TSC2: variants seen among roughly 807,000 people sequenced by gnomAD.
The protein encoded by TSC2 is TSC complex subunit 2.
In TSC2, 29 loss-of-function variants were observed where a neutral mutation model predicts 202.2. The ratio of observed to expected loss-of-function variants is 0.14; its 90% confidence interval spans 0.11 to 0.20. TSC2 has a LOEUF of 0.20. TSC2 is among the 10% of genes least tolerant of loss of function. The pLI, the probability that TSC2 is intolerant of heterozygous loss-of-function variation, is 1.00. For missense variants in TSC2, 2,429 were observed against 2,420.0 expected (o/e 1.00, Z -0.08); for synonymous variants, 1,349 against 1,044.0 (o/e 1.29, Z -5.63).
chr16:2,074,126 C>A (rs2088897057), intron 21 of TSC2, 74 bp from the exon 22 acceptor site: 1 of 1,586,900 alleles, frequency 6.3e-7, no homozygotes, highest in Non-Finnish European at 8.6e-7. Context: ...GTGGAGCACT[C>A]GAGGTTGGCG....
chr16:2,078,813 C>G (rs371356849), intron 26 of TSC2: 1 of 626,050 alleles, frequency 1.6e-6, no homozygotes, highest in South Asian at 1.9e-5. Flanking sequence ...CTGCTCCGAC[C>G]AGTAGGCCTG....
At chr16:2,066,651 CTTT>C (rs34619573) in intron 16 of TSC2, among the ~76,000 whole-genome samples, 81 of 98,478 alleles carry the variant, frequency 8.2e-4, no homozygotes, top group African/African-American at 2.6e-3. Context: ...TCTGATTTAT[CTTT>C]TTTTTTTTTT....
intron 12 of TSC2, 80 bp downstream of exon 12, chr16:2,062,088 G>T: frequency 6.3e-7 from 1 of 1,596,366 alleles, no homozygotes; most frequent in South Asian, 1.1e-5. Context: ...GCAGCTTTCT[G>T]AGCCTCAGAA....
chr16:2,082,321 GCC>G lies in TSC2; in HGVS notation c.3815-114_3815-113del. ...AGCACTGGGCCCCGTGCGCGCCCCT[GCC>G]GGCCGCTGGCCCTGCCCTCTCTCCT... On this transcript the variant is annotated intron_variant, in intron 31 of 41. Transcript: ENST00000219476. 3.9e-6 allele frequency: 5 copies of G among 1,273,634 alleles called. No individual in the cohort carries two copies. The South Asian group carries it at 6.0e-5, about 15-fold the overall frequency. The allele number at this position is 1,273,634 out of a possible 1,614,324, so 78.9% of individuals were successfully genotyped here. A position where few individuals can be genotyped will look rare whatever the true frequency, so the allele number is the denominator to read the frequency against.
intron 17 of TSC2, 81 bp from the exon 18 acceptor site, chr16:2,071,429 G>C: frequency 1.4e-6 from 2 of 1,449,946 alleles, no homozygotes; most frequent in South Asian, 2.3e-5. Context: ...GGTGCTGGAC[G>C]TGGGTCTGAG....
intron 19 of TSC2, 131 bp downstream of exon 19, chr16:2,072,065 C>T (rs950898871): frequency 6.8e-7 from 1 of 1,480,738 alleles, no homozygotes; most frequent in African/African-American, 1.4e-5. Context: ...TGAGCCTTCC[C>T]CCTTCCCCGA....
intron 14 of TSC2, chr16:2,063,279 C>T: frequency 1.6e-6 from 1 of 628,444 alleles, no homozygotes; most frequent in Non-Finnish European, 2.9e-6. Context: ...GCAAGGAAGG[C>T]ACAGTGCCTG....
rs1291489563 is a variant in TSC2, at chr16:2,063,858, A to ACACG, written c.1444-411_1444-408dup. 2.3e-5 allele frequency: 8 copies of ACACG among 342,676 alleles called. No homozygotes were observed. In the Admixed American group the frequency reaches 3.2e-4, roughly 14 times the overall value. 21.2% of individuals were successfully genotyped at this position (342,676 alleles called of 1,614,324 possible). On this transcript the variant is annotated intron_variant, in intron 14 of 41. Coordinates refer to ENST00000219476, the MANE Select transcript of TSC2 (RefSeq NM_000548.5). Reference sequence around the variant, plus strand: ...GCTGTCCTCAGCACAGCACGCACACACACGCATATTCACGCATGCACAGGC... The same window carrying ACACG: ...GCTGTCCTCAGCACAGCACGCACACACACGCACGCATATTCACGCATGCACAGGC...
At chr16:2,069,187 C>T (rs2087838768) in intron 16 of TSC2, among the ~76,000 whole-genome samples, 1 of 152,198 alleles carries the variant, frequency 6.6e-6, no homozygotes, top group South Asian at 2.1e-4. Flanking sequence ...GCTGTTGGTT[C>T]CATGTGGCCT....
At chr16:2,064,452 G>A (rs770839538) in intron 15 of TSC2, 25 bp downstream of exon 15, 18 of 1,612,194 alleles carry the variant, frequency 1.1e-5, no homozygotes, top group East Asian at 2.2e-5. Flanking sequence ...ACCCGGGGCC[G>A]GGTGCTAGCG....
At position 2,070,442 on chromosome 16, in the gene TSC2, T is replaced by C. The variant is rs780658386; in HGVS notation, c.1717-14T>C. Reference sequence around the variant, plus strand: ...ACCTCCTGCGCCGTGGTGAGCTGCGTCCTCTCTCTGCAGACCAAGCTGTAC... The same window carrying C: ...ACCTCCTGCGCCGTGGTGAGCTGCGCCCTCTCTCTGCAGACCAAGCTGTAC... On this transcript the variant is annotated splice_polypyrimidine_tract_variant and intron_variant, in intron 16 of 41. Coordinates refer to ENST00000219476, the MANE Select transcript of TSC2 (RefSeq NM_000548.5). 17 of 1,613,162 alleles carry C rather than the reference T, an allele frequency of 1.1e-5. No homozygotes were observed. The highest frequency in any genetic ancestry group is 1.4e-5 in the Non-Finnish European group (17 of 1,180,028).
chr16:2,076,483 T>C lies in TSC2; in HGVS notation c.2743-8T>C. On this transcript the variant is annotated splice_polypyrimidine_tract_variant and splice_region_variant and intron_variant, in intron 24 of 41. Coordinates refer to ENST00000219476, the MANE Select transcript of TSC2 (RefSeq NM_000548.5). ...CCCCTCACTGTCTGGGTGTGCTCAC[T>C]CTGCCAGGGCCTGCGGTCCAATGTC... The C allele has an allele frequency of 6.2e-7, 1 of 1,613,254 alleles. No homozygotes were observed. The highest frequency in any genetic ancestry group is 1.1e-5 in the South Asian group (1 of 91,064).
rs2090761236 is a variant in TSC2 at position 2,086,174 on chromosome 16, C to G, written c.4663-19C>G. ...CGGCCCGGGAGTGATGCCACCCTGC[C>G]TCTCCCCTCTCCCCACAGAGCAACA... is the stretch of plus-strand genomic sequence containing the variant. On this transcript the variant is annotated intron_variant, in intron 36 of 41. Transcript: ENST00000219476. 6.2e-7 allele frequency: 1 copy of G among 1,611,424 alleles called. No individual in the cohort carries two copies. Among genetic ancestry groups the G allele is most frequent in the Non-Finnish European group, 8.5e-7 (1 of 1,179,680 alleles).
chr16:2,059,319 A>G (rs1264743167), intron 10 of TSC2, among the ~76,000 whole-genome samples: 1 of 150,678 alleles, frequency 6.6e-6, no homozygotes, highest in African/African-American at 2.4e-5. Flanking sequence ...TGCCTGGCCA[A>G]AGGCTTTTTT....
chr16:2,060,787 A>C lies in TSC2; in HGVS notation c.1093A>C (p.Ile365Leu). 1 of 1,613,734 alleles carries C rather than the reference A, an allele frequency of 6.2e-7. No individual in the cohort carries two copies. The highest frequency in any genetic ancestry group is 8.5e-7 in the Non-Finnish European group (1 of 1,179,872). ...GGCGTGGGACATTCTGCTGAACATC[A>C]TCGAACGGCTCCTTCAGCAGCTCCA... is the stretch of plus-strand genomic sequence containing the variant. Reference protein sequence around the residue: ...VVAWDILLNIIERLLQQLQTL... With the variant: ...VVAWDILLNILERLLQQLQTL... Residue 365 changes from isoleucine to leucine, a missense_variant, in exon 11 of 42, where the codon ATC becomes CTC. Physicochemically the swap from Ile to Leu is conservative, Grantham distance 5. Coordinates refer to ENST00000219476, the MANE Select transcript of TSC2 (RefSeq NM_000548.5).
chr16:2,056,840 C>T, intron 8 of TSC2, 71 bp downstream of exon 8: 4 of 1,596,674 alleles, frequency 2.5e-6, no homozygotes, highest in Non-Finnish European at 1.7e-6. Context: ...TCCTGTCTCC[C>T]ATGAATGGTT....
chr16:2,087,006 TG>T, intron 38 of TSC2, 135 bp downstream of exon 38: 2 of 1,356,080 alleles, frequency 1.5e-6, no homozygotes, highest in Non-Finnish European at 2.0e-6. Flanking sequence ...CAGGGCCCCG[TG>T]GGCACGAGCT....
intron 15 of TSC2, chr16:2,065,243 C>G: frequency 2.5e-6 from 1 of 405,432 alleles, no homozygotes; most frequent in South Asian, 2.2e-5. Flanking sequence ...GAAACCCCAT[C>G]TCTACTAAAA....
rs1407570001 is a variant in TSC2, at chr16:2,056,105, T to C, written c.600-91T>C. The stretch of plus-strand genomic sequence containing the variant: ...CCCCAGGGAGGATGAGCCATGCGTG[T>C]TATTGACGTCATAGAGTGACTAGAC... On this transcript the variant is annotated intron_variant, in intron 6 of 41. Transcript: ENST00000219476. 1.2e-5 allele frequency: 19 copies of C among 1,548,944 alleles called. No individual in the cohort carries two copies. The Admixed American group carries it at 3.2e-4, about 26-fold the overall frequency.
Sources: gnomAD v4.1 joint callset for allele counts (sites outside exome capture counted in the v4.1 genomes callset) on GRCh38, gnomAD v4.1.1 for gene constraint, MANE v1.5 for transcripts, NCBI Gene and HGNC (gene_info 2026-07-23, HGNC 2026-07-21) for gene names.